Variants in KLHDC2 observed in about 807,000 individuals in gnomAD.
KLHDC2 encodes kelch domain containing 2.
Under a neutral mutation model 62.3 loss-of-function variants are expected in KLHDC2, and 38 were observed. The ratio of observed to expected loss-of-function variants is 0.61; its 90% confidence interval spans 0.47 to 0.80. The LOEUF (loss-of-function observed/expected upper bound fraction) is 0.80. Among genes scored for constraint, KLHDC2 ranks in the 30% least tolerant of loss-of-function variants. The pLI, the probability that KLHDC2 is intolerant of heterozygous loss-of-function variation, is 0.00. For missense variants in KLHDC2, 430 were observed against 495.3 expected (o/e 0.87, Z 1.25); for synonymous variants, 159 against 161.0 (o/e 0.99, Z 0.09).
chr14:49,781,611 C>T (rs1889907653), intron 10 of KLHDC2, among the ~76,000 whole-genome samples: 1 of 151,536 alleles, frequency 6.6e-6, no homozygotes, highest in Non-Finnish European at 1.5e-5. Context: ...TGCCTGTAGT[C>T]CCAGCTATTC....
chr14:49,782,290 T>C (rs1889942169), intron 10 of KLHDC2, 80 bp from the exon 11 acceptor site: 1 of 859,504 alleles, frequency 1.2e-6, no homozygotes, highest in African/African-American at 1.7e-5. Context: ...CTAGTCTTTA[T>C]TTCATAGCTC....
At chr14:49,776,013 T>A (rs577165172) in intron 3 of KLHDC2, among the ~76,000 whole-genome samples, 74 of 152,164 alleles carry the variant, frequency 4.9e-4, no homozygotes, top group Non-Finnish European at 9.1e-4. Context: ...CTTTAGGGAT[T>A]TGAGATGCCT....
Position 49,768,476 on chromosome 14 carries a change from A to C in KLHDC2, c.8A>C (p.Asp3Ala), listed in dbSNP as rs550606699. The change falls in exon 1 of 13, where the codon GAT becomes GCT. Residue 3 changes from aspartate to alanine, a missense_variant. Coordinates refer to ENST00000298307, the MANE Select transcript of KLHDC2 (RefSeq NM_014315.3). MA[D>A]GNEDLRADDL... ...CAAAAGTGCAGCCTCAAGATGGCTG[A>C]TGGCAACGAGGATCTGCGGGCTGAC... 6.2e-7 allele frequency: 1 copy of C among 1,609,502 alleles called. No homozygotes were observed. Among genetic ancestry groups the C allele is most frequent in the Admixed American group, 1.7e-5 (1 of 59,526 alleles).
chr14:49,781,368 T>TCCA (rs1555343491), intron 10 of KLHDC2, among the ~76,000 whole-genome samples: 1 of 9,324 alleles, frequency 1.1e-4, no homozygotes, highest in Non-Finnish European at 5.6e-4. Context: ...AAACTCTGTC[T>TCCA]CAAAAAAAAA....
chr14:49,782,392 A>T lies in KLHDC2; in HGVS notation c.979A>T (p.Ser327Cys). 2 of 1,612,812 alleles carry T rather than the reference A, an allele frequency of 1.2e-6. No individual in the cohort carries two copies. Among genetic ancestry groups the T allele is most frequent in the South Asian group, 1.1e-5 (1 of 90,982 alleles). ...KPRLWHTACA[S>C]DEGEVIVFGG... ...CAGGTTATGGCACACAGCTTGTGCCAGCGATGAAGGAGAAGTAATTGTTTT... is the reference window on the plus strand; with the variant it reads ...CAGGTTATGGCACACAGCTTGTGCCTGCGATGAAGGAGAAGTAATTGTTTT... Residue 327 changes from serine to cysteine, a missense_variant, in exon 11 of 13, where the codon AGC becomes TGC. Coordinates refer to ENST00000298307, the MANE Select transcript of KLHDC2 (RefSeq NM_014315.3).
intron 6 of KLHDC2, among the ~76,000 whole-genome samples, chr14:49,778,952 T>A (rs895775329): frequency 1.8e-4 from 28 of 152,154 alleles, no homozygotes; most frequent in African/African-American, 5.3e-4. Context: ...CTTGAACTCC[T>A]GATCTTGTGA....
chr14:49,784,012 C>T lies in KLHDC2; in HGVS notation c.*1059C>T, dbSNP rs1890040817. 6.6e-6 allele frequency: 1 copy of T among 151,878 alleles called. No homozygotes were observed. Among genetic ancestry groups the T allele is most frequent in the Non-Finnish European group, 1.5e-5 (1 of 67,946 alleles). The allele number at this position is 151,878 out of a possible 1,614,324, so 9.4% of individuals were successfully genotyped here. ...AGACTTACCAAGTCAATAGTTTAAG[C>T]AATCAAGCCACTTCACTGTTCAGTT... On this transcript the variant is annotated 3_prime_UTR_variant, in exon 13 of 13. Coordinates refer to ENST00000298307, the MANE Select transcript of KLHDC2 (RefSeq NM_014315.3).
At chr14:49,776,982 T>C (rs1438417158) in intron 3 of KLHDC2, among the ~76,000 whole-genome samples, 5 of 151,320 alleles carry the variant, frequency 3.3e-5, no homozygotes, top group Non-Finnish European at 7.4e-5. Flanking sequence ...ATTGCAAAAA[T>C]ATGGAACCAG....
At chr14:49,776,768 A>T (rs912073225) in intron 3 of KLHDC2, among the ~76,000 whole-genome samples, 2 of 151,818 alleles carry the variant, frequency 1.3e-5, no homozygotes, top group African/African-American at 4.8e-5. Context: ...AAAATACAAA[A>T]ATTAGCTGGG....
intron 3 of KLHDC2, among the ~76,000 whole-genome samples, chr14:49,777,258 T>C (rs570215912): frequency 2.3e-4 from 35 of 151,954 alleles, no homozygotes; most frequent in African/African-American, 8.2e-4. Flanking sequence ...TAAAGGGTGA[T>C]AGATGGGTGA....
Position 49,777,942 on chromosome 14 carries a change from T to C in KLHDC2, c.455T>C (p.Val152Ala). The change falls in exon 4 of 13, where the codon GTA (valine) becomes GCA (alanine). Residue 152 changes from valine (V) to alanine (A), a missense_variant. Coordinates refer to ENST00000298307, the MANE Select transcript of KLHDC2 (RefSeq NM_014315.3). ...TCAAAGGACAAACTTGGTGTCTGGG[T>C]ATATAAAAACAAGTAAGTTGGCAGC... is the stretch of plus-strand genomic sequence containing the variant. ...PSSKDKLGVW[V>A]YKNKLIFFGG... 6.3e-7 allele frequency: 1 copy of C among 1,599,756 alleles called. No homozygotes were observed. The highest frequency in any genetic ancestry group is 8.5e-7 in the Non-Finnish European group (1 of 1,170,258).
chr14:49,782,669 G>A lies in KLHDC2; in HGVS notation c.1097+75G>A, dbSNP rs540104913. On this transcript the variant is annotated intron_variant, in intron 12 of 12. Transcript: ENST00000298307. ...AAGACTTAGCACTCTCGAAAAACTA[G>A]GTTTATGGATTATTTAAGGGCAATA... The A allele has an allele frequency of 8.0e-6, 11 of 1,382,880 alleles. No homozygotes were observed. The African/African-American group carries it at 1.5e-4, about 18-fold the overall frequency. The allele number at this position is 1,382,880 out of a possible 1,614,324, so 85.7% of individuals were successfully genotyped here.
At position 49,777,898 on chromosome 14, in the gene KLHDC2, C is replaced by T; in HGVS notation, c.411C>T (p.Cys137=). 1.9e-6 allele frequency: 3 copies of T among 1,612,406 alleles called. No individual in the cohort carries two copies. Among genetic ancestry groups the T allele is most frequent in the Non-Finnish European group, 1.7e-6 (2 of 1,178,958 alleles). The change falls in exon 4 of 13, where the codon TGC becomes TGT. Residue 137 remains cysteine (C), a synonymous_variant. Transcript: ENST00000298307. ...TGTTACAGTGGGAAAGAATTGATTGCCAAGGAATTCCTCCATCATCAAAGG... is the reference window on the plus strand; with the variant it reads ...TGTTACAGTGGGAAAGAATTGATTGTCAAGGAATTCCTCCATCATCAAAGG... ...DRVLQWERID[C]QGIPPSSKDK...
chr14:49,781,962 A>G (rs187188490), intron 10 of KLHDC2: 1 of 169,818 alleles, frequency 5.9e-6, no homozygotes, highest in Admixed American at 6.3e-5. Flanking sequence ...TCTCTCCATA[A>G]AACTACCAGG....
Position 49,785,116 on chromosome 14 carries a change from G to A in KLHDC2, c.*2163G>A. ...CCTTTTCCCTTTTTCTGCACTCCAG[G>A]AGTAAGTTTCACTTTATATCTTTAA... On this transcript the variant is annotated 3_prime_UTR_variant, in exon 13 of 13. Transcript: ENST00000298307. The A allele has an allele frequency of 6.2e-7, 1 of 1,605,838 alleles. No individual in the cohort carries two copies. The highest frequency in any genetic ancestry group is 1.1e-5 in the South Asian group (1 of 90,888).
intron 6 of KLHDC2, 99 bp from the exon 7 acceptor site, chr14:49,779,496 C>G (rs1889842355): frequency 1.2e-6 from 1 of 826,692 alleles, no homozygotes; most frequent in Non-Finnish European, 1.9e-6. Context: ...CTTTTAAAAG[C>G]TCAAGTGCCT....
Position 49,779,854 on chromosome 14 carries a change from C to T in KLHDC2, c.773+48C>T, listed in dbSNP as rs1285131263. The T allele has an allele frequency of 4.7e-6, 6 of 1,269,602 alleles. No individual in the cohort carries two copies. The East Asian group carries it at 9.3e-5, about 20-fold the overall frequency. 78.6% of individuals were successfully genotyped at this position (1,269,602 alleles called of 1,614,324 possible). On this transcript the variant is annotated intron_variant, in intron 8 of 12. Coordinates refer to ENST00000298307, the MANE Select transcript of KLHDC2 (RefSeq NM_014315.3). The stretch of plus-strand genomic sequence containing the variant: ...TTTTCCAAAATTCAGATTGTTTTTA[C>T]CCTATATTCCCTACTATTGGTATAT...
intron 2 of KLHDC2, 55 bp downstream of exon 2, chr14:49,771,728 G>A: frequency 1.1e-6 from 1 of 907,394 alleles, no homozygotes; most frequent in Non-Finnish European, 1.8e-6. Context: ...GCTGGGCACG[G>A]TGGCTGGCTC....
At chr14:49,771,738 C>T (rs995905526) in intron 2 of KLHDC2, 65 bp downstream of exon 2, 3 of 833,600 alleles carry the variant, frequency 3.6e-6, no homozygotes, top group African/African-American at 3.4e-5. Flanking sequence ...GTGGCTGGCT[C>T]ATGCCTATAA....
Sources: allele counts gnomAD v4.1 joint callset (sites outside exome capture counted in the v4.1 genomes callset), GRCh38; gene constraint gnomAD v4.1.1; transcripts MANE v1.5; gene names NCBI Gene and HGNC (gene_info 2026-07-23, HGNC 2026-07-21).